Variants in NIPAL1 observed in about 807,000 individuals in gnomAD.
The protein encoded by NIPAL1 is magnesium transporter NIPA3.
In NIPAL1, 35 loss-of-function variants were observed where a neutral mutation model predicts 37.7. The ratio of observed to expected loss-of-function variants is 0.93; its 90% CI spans 0.71 to 1.23. NIPAL1 has a LOEUF of 1.23. NIPAL1 is among the 50% of genes most tolerant of loss of function. The probability of loss-of-function intolerance (pLI) is 0.00; values close to 1 mark genes in which losing one functional copy is unlikely to be tolerated. For synonymous variants in NIPAL1, 162 were observed against 183.0 expected, an observed-to-expected ratio of 0.89 and a Z score of 0.93; for missense variants, 412 against 473.9, an observed-to-expected ratio of 0.87 and a Z score of 1.21.
chr4:48,030,829 C>T (rs1263802676), intron 3 of NIPAL1, among the ~76,000 whole-genome samples: 2 of 152,158 alleles, frequency 1.3e-5, no homozygotes, highest in African/African-American at 2.4e-5. Context: ...AGCGGAGGCT[C>T]CCCTCAAAAA....
intron 1 of NIPAL1, among the ~76,000 whole-genome samples, chr4:48,022,695 C>T (rs1715598444): frequency 6.6e-6 from 1 of 152,178 alleles, no homozygotes; most frequent in Non-Finnish European, 1.5e-5. Flanking sequence ...CAAAAATATA[C>T]TTAATCACTT....
Position 48,036,050 on chromosome 4 carries a change from G to A in NIPAL1, c.1111G>A (p.Ala371Thr). Residue 371 changes from alanine (A) to threonine (T), a missense_variant, in exon 6 of 6, where the codon GCT becomes ACT. Ala to Thr is a moderately conservative substitution (Grantham distance 58). Transcript: ENST00000295461. ...DITWSELTST[A>T]KKEAVSLNVN... The stretch of plus-strand genomic sequence containing the variant: ...TACTTGGAGTGAGCTTACATCCACT[G>A]CTAAGAAAGAAGCCGTCTCTCTGAA... The A allele has an allele frequency of 6.2e-7, 1 of 1,610,118 alleles. No individual in the cohort carries two copies. The highest frequency in any genetic ancestry group is 8.5e-7 in the Non-Finnish European group (1 of 1,179,228).
chr4:48,032,901 G>A, intron 3 of NIPAL1, 92 bp from the exon 4 acceptor site: 1 of 776,346 alleles, frequency 1.3e-6, no homozygotes. Flanking sequence ...ATGTATTTGG[G>A]TTAAAAGTCC....
Position 48,025,045 on chromosome 4 carries a change from T to C in NIPAL1, c.47-23T>C, listed in dbSNP as rs780365024. On this transcript the variant is annotated intron_variant, in intron 1 of 5. Transcript: ENST00000295461. The stretch of plus-strand genomic sequence containing the variant: ...ATACCTCTCCCTTTCATTCCTGACA[T>C]TCTCTTCTTTCCTTTTTTCCAGGAT... The C allele has an allele frequency of 4.4e-6, 7 of 1,606,464 alleles. No individual in the cohort carries two copies. In the South Asian group the frequency reaches 6.6e-5, roughly 15 times the overall value.
chr4:48,031,352 C>T (rs1322582864), intron 3 of NIPAL1, among the ~76,000 whole-genome samples: 2 of 152,114 alleles, frequency 1.3e-5, no homozygotes, highest in African/African-American at 2.4e-5. Flanking sequence ...TGAGCCACCA[C>T]GCCCGGCCAC....
At chr4:48,024,007 G>A (rs1715630978) in intron 1 of NIPAL1, among the ~76,000 whole-genome samples, 2 of 126,682 alleles carry the variant, frequency 1.6e-5, no homozygotes, top group South Asian at 4.8e-4. Flanking sequence ...AGATAGTCTC[G>A]TTCTGTCACC....
rs562806616 is a variant in NIPAL1, at chr4:48,037,868, A to G, written c.*1696A>G. The G allele has an allele frequency of 6.6e-6, 1 of 152,054 alleles. No homozygotes were observed. The highest frequency in any genetic ancestry group is 1.5e-5 in the Non-Finnish European group (1 of 67,982). 9.4% of individuals were successfully genotyped at this position (152,054 alleles called of 1,614,324 possible). ...TGATTTTATGGAAAATAAATTGGCT[A>G]TCTTATTTTTATAACAATCTTATTT... On this transcript the variant is annotated 3_prime_UTR_variant, in exon 6 of 6. Coordinates refer to ENST00000295461, the MANE Select transcript of NIPAL1 (RefSeq NM_207330.3).
At chr4:48,024,904 A>G (rs1039449452) in intron 1 of NIPAL1, among the ~76,000 whole-genome samples, 164 bp from the exon 2 acceptor site, 4 of 152,240 alleles carry the variant, frequency 2.6e-5, no homozygotes, top group Non-Finnish European at 5.9e-5. Context: ...TGCAAGCCAA[A>G]TTGACAGTGT....
rs541789772 is a variant in NIPAL1 at position 48,025,314 on chromosome 4, G to A, written c.293G>A (p.Ser98Asn). Residue 98 changes from serine to asparagine, a missense_variant, in exon 2 of 6, where the codon AGC becomes AAC. Ser to Asn is a conservative substitution (Grantham distance 46, BLOSUM62 1). Transcript: ENST00000295461. ...LKKKGLLQLA[S>N]KGFTRAGQGG... ...AAGAAGGGCCTCTTGCAACTGGCCAGCAAGGGCTTTACTAGAGCTGGTAAG... is the reference window on the plus strand; with the variant it reads ...AAGAAGGGCCTCTTGCAACTGGCCAACAAGGGCTTTACTAGAGCTGGTAAG... The A allele has an allele frequency of 5.6e-6, 9 of 1,614,148 alleles. No homozygotes were observed. The African/African-American group carries it at 1.1e-4, about 19-fold the overall frequency.
Position 48,035,703 on chromosome 4 carries a change from A to G in NIPAL1, c.764A>G (p.Lys255Arg), listed in dbSNP as rs772941203. The G allele has an allele frequency of 6.2e-7, 1 of 1,614,034 alleles. No homozygotes were observed. Among genetic ancestry groups the G allele is most frequent in the Admixed American group, 1.7e-5 (1 of 59,954 alleles). ...GGAGCGTTTTCAGTTTCTTCTGTGA[A>G]AGGCCTGGGAATTGCCATTAAGGAG... is the stretch of plus-strand genomic sequence containing the variant. ...LIGAFSVSSV[K>R]GLGIAIKELI... The change falls in exon 6 of 6, where the codon AAA (lysine) becomes AGA (arginine). Residue 255 changes from lysine to arginine, a missense_variant. Transcript: ENST00000295461.
chr4:48,030,263 T>C, intron 3 of NIPAL1, 87 bp downstream of exon 3: 1 of 834,242 alleles, frequency 1.2e-6, no homozygotes, highest in Non-Finnish European at 2.0e-6. Context: ...AATCTTCCTG[T>C]CAAGAATGGA....
chr4:48,024,949 C>A, intron 1 of NIPAL1, 119 bp from the exon 2 acceptor site: 1 of 846,674 alleles, frequency 1.2e-6, no homozygotes, highest in Non-Finnish European at 1.9e-6. Context: ...AGCGACTTCC[C>A]TACATGTAGT....
intron 1 of NIPAL1, among the ~76,000 whole-genome samples, chr4:48,019,289 A>G (rs746208078): frequency 2.6e-5 from 4 of 152,234 alleles, no homozygotes; most frequent in African/African-American, 7.2e-5. Context: ...CTGGGTTTAC[A>G]GGCATGAGCC....
chr4:48,024,852 A>G (rs927577470), intron 1 of NIPAL1, among the ~76,000 whole-genome samples: 1 of 152,330 alleles, frequency 6.6e-6, no homozygotes, highest in South Asian at 2.1e-4. Context: ...TCATTTTTAA[A>G]TGATGACAGC....
chr4:48,030,543 A>T (rs1256639549), intron 3 of NIPAL1, among the ~76,000 whole-genome samples: 1 of 152,094 alleles, frequency 6.6e-6, no homozygotes, highest in East Asian at 1.9e-4. Flanking sequence ...GTAGCTGCAT[A>T]TTTTCTCAAG....
intron 4 of NIPAL1, among the ~76,000 whole-genome samples, chr4:48,034,600 T>C (rs142274555): frequency 3.1e-4 from 47 of 152,308 alleles, no homozygotes; most frequent in Non-Finnish European, 5.6e-4. Context: ...CAGGAAAAGA[T>C]GGGTAAATTG....
Position 48,016,796 on chromosome 4 carries a change from G to A in NIPAL1, c.-44G>A, listed in dbSNP as rs1380301956. The A allele has an allele frequency of 3.2e-6, 5 of 1,542,046 alleles. No individual in the cohort carries two copies. The highest frequency in any genetic ancestry group is 4.4e-6 in the Non-Finnish European group (5 of 1,148,434). Reference sequence around the variant, plus strand: ...CGCGGGTGCGTGTGGAGAGGCCCAGGTGAGGAGCAAGCGCCCGCGTTCCGG... The same window carrying A: ...CGCGGGTGCGTGTGGAGAGGCCCAGATGAGGAGCAAGCGCCCGCGTTCCGG... On this transcript the variant is annotated 5_prime_UTR_variant, in exon 1 of 6. It adds an upstream start codon to the 5' untranslated region. Coordinates refer to ENST00000295461, the MANE Select transcript of NIPAL1 (RefSeq NM_207330.3).
intron 1 of NIPAL1, among the ~76,000 whole-genome samples, chr4:48,019,784 A>G (rs781150306): frequency 2.6e-5 from 4 of 152,136 alleles, no homozygotes; most frequent in Non-Finnish European, 4.4e-5. Context: ...GAATGACAAG[A>G]TCAGACCTAC....
rs1482395494 is a variant in NIPAL1 at position 48,035,660 on chromosome 4, T to C, written c.721T>C (p.Ser241Pro). The stretch of plus-strand genomic sequence containing the variant: ...ACAGACCAATATATTGGTTTATATT[T>C]CAATCTGTTCCTTGATTGGAGCGTT... The part of the protein sequence containing the change: ...KGQTNILVYI[S>P]ICSLIGAFSV... Residue 241 changes from serine (S) to proline (P), a missense_variant, in exon 6 of 6, where the codon TCA becomes CCA. Physicochemically the swap from Ser to Pro is moderately conservative, Grantham distance 74. Transcript: ENST00000295461. The C allele has an allele frequency of 6.2e-7, 1 of 1,613,902 alleles. No homozygotes were observed. Among genetic ancestry groups the C allele is most frequent in the East Asian group, 2.2e-5 (1 of 44,884 alleles).
Sources: allele counts gnomAD v4.1 joint callset (sites outside exome capture counted in the v4.1 genomes callset), GRCh38; gene constraint gnomAD v4.1.1; transcripts MANE v1.5; gene names NCBI Gene and HGNC (gene_info 2026-07-23, HGNC 2026-07-21).